Variants in GIGYF2 observed in about 807,000 individuals in gnomAD.
GIGYF2 encodes the protein GRB10 interacting GYF protein 2.
GIGYF2 carries 25 observed loss-of-function variants against 208.1 expected under a neutral mutation model. That is an observed-to-expected ratio of 0.12 (90% CI 0.09 to 0.17). The LOEUF (loss-of-function observed/expected upper bound fraction) is 0.17. Among genes scored for constraint, GIGYF2 ranks in the 10% least tolerant of loss-of-function variants. The probability of loss-of-function intolerance (pLI) is 1.00; values close to 1 mark genes in which losing one functional copy is unlikely to be tolerated. For synonymous variants in GIGYF2, 534 were observed against 543.8 expected (o/e 0.98, Z 0.25); for missense variants, 1,302 against 1,579.4 (o/e 0.82, Z 2.98).
In GIGYF2 at chr2:232,791,466, G is replaced by A. The variant is rs780227803; in HGVS notation, c.1282+20G>A. The A allele has an allele frequency of 1.9e-6, 3 of 1,605,180 alleles. No individual in the cohort carries two copies. The highest frequency in any genetic ancestry group is 2.2e-5 in the East Asian group (1 of 44,596). On this transcript the variant is annotated intron_variant, in intron 12 of 28. Transcript: ENST00000373563. ...GGGATGGTATGTATTTGTGGGAATA[G>A]ACAAGCTAAAATAGGATTCTGCTGA...
At chr2:232,831,272 G>A (rs1240143021) in intron 21 of GIGYF2, among the ~76,000 whole-genome samples, 1 of 152,190 alleles carries the variant, frequency 6.6e-6, no homozygotes, top group Non-Finnish European at 1.5e-5. Context: ...ACTTAAGAAT[G>A]TAGAGTTTTG....
chr2:232,747,770 A>C lies in GIGYF2; in HGVS notation c.171+26A>C, dbSNP rs552330113. On this transcript the variant is annotated intron_variant, in intron 4 of 28. Transcript: ENST00000373563. ...GTAAGAAAGTAGGAAAAGAGTTCAA[A>C]ATTGTGAATGAGACTTTGGGATATA... 4.4e-6 allele frequency: 7 copies of C among 1,606,302 alleles called. No individual in the cohort carries two copies. The African/African-American group carries it at 8.0e-5, about 18-fold the overall frequency.
intron 2 of GIGYF2, among the ~76,000 whole-genome samples, chr2:232,725,723 C>T (rs1170103842): frequency 6.6e-6 from 1 of 152,168 alleles, no homozygotes; most frequent in Non-Finnish European, 1.5e-5. Flanking sequence ...ACATGGTACT[C>T]ATTGTTTTTT....
chr2:232,846,772 C>T (rs1702019414), intron 26 of GIGYF2, among the ~76,000 whole-genome samples: 1 of 152,182 alleles, frequency 6.6e-6, no homozygotes, highest in Non-Finnish European at 1.5e-5. Context: ...ATATTATCCC[C>T]ATTTTATAAA....
At chr2:232,781,594 T>G (rs1699726047) in intron 8 of GIGYF2, among the ~76,000 whole-genome samples, 1 of 152,104 alleles carries the variant, frequency 6.6e-6, no homozygotes, top group South Asian at 2.1e-4. Flanking sequence ...CATTTTGAAA[T>G]CATTCTGTGG....
At chr2:232,711,705 G>GTGTATATATATATATATA (rs147184549) in intron 2 of GIGYF2, among the ~76,000 whole-genome samples, 13 of 115,764 alleles carry the variant, frequency 1.1e-4, no homozygotes, top group Middle Eastern at 4.2e-3. Flanking sequence ...TCACAATGAT[G>GTGTATATATATATATATA]TATATATATA....
intron 2 of GIGYF2, among the ~76,000 whole-genome samples, chr2:232,720,684 T>C (rs1381309370): frequency 1.3e-5 from 2 of 152,018 alleles, no homozygotes; most frequent in African/African-American, 4.8e-5. Flanking sequence ...AACCTCTGCC[T>C]CTCAGGTTCA....
chr2:232,768,690 C>A, intron 8 of GIGYF2: 1 of 1,606,942 alleles, frequency 6.2e-7, no homozygotes, highest in Non-Finnish European at 8.5e-7. Context: ...AGGGCTAGGT[C>A]GGGTGTTGGC....
At chr2:232,855,925 GT>G (rs975361049) in intron 28 of GIGYF2, among the ~76,000 whole-genome samples, 2 of 101,080 alleles carry the variant, frequency 2.0e-5, no homozygotes, top group South Asian at 2.4e-4. Flanking sequence ...TTTGCAGGGG[GT>G]TTTTTTGTTT....
At chr2:232,715,296 A>G (rs967059013) in intron 2 of GIGYF2, among the ~76,000 whole-genome samples, 4 of 152,190 alleles carry the variant, frequency 2.6e-5, no homozygotes, top group Admixed American at 2.0e-4. Flanking sequence ...GTTTTGGGCT[A>G]TTAGACGTAA....
chr2:232,705,043 T>G (rs1696028939), intron 2 of GIGYF2, among the ~76,000 whole-genome samples: 1 of 150,978 alleles, frequency 6.6e-6, no homozygotes, highest in South Asian at 2.1e-4. Flanking sequence ...GTATTTTCAG[T>G]AGAGACGGGG....
chr2:232,742,164 A>G (rs888080826), intron 3 of GIGYF2, among the ~76,000 whole-genome samples: 3 of 152,214 alleles, frequency 2.0e-5, no homozygotes, highest in Non-Finnish European at 2.9e-5. Flanking sequence ...TACCTTTATT[A>G]TGTGAAGTGT....
intron 9 of GIGYF2, chr2:232,788,139 AG>A (rs1333592024): frequency 1.3e-5 from 2 of 153,654 alleles, no homozygotes; most frequent in African/African-American, 4.8e-5. Flanking sequence ...CATGTGCCAG[AG>A]GGGCTTACCT....
At chr2:232,707,726 C>T (rs1696188242) in intron 2 of GIGYF2, among the ~76,000 whole-genome samples, 1 of 151,634 alleles carries the variant, frequency 6.6e-6, no homozygotes, top group Admixed American at 6.6e-5. Flanking sequence ...CAACCTCCAC[C>T]CCCTGGGTTC....
At chr2:232,703,229 T>C (rs1191219420) in intron 1 of GIGYF2, among the ~76,000 whole-genome samples, 195 bp from the exon 2 acceptor site, 1 of 152,210 alleles carries the variant, frequency 6.6e-6, no homozygotes, top group East Asian at 1.9e-4. Flanking sequence ...AAATATAGTT[T>C]TCAGTCCCAC....
chr2:232,734,109 CTTTTT>C (rs35593823), intron 2 of GIGYF2, among the ~76,000 whole-genome samples: 7 of 122,468 alleles, frequency 5.7e-5, no homozygotes, highest in South Asian at 2.6e-4. Context: ...TATTTTAAAA[CTTTTT>C]TTTTTTTTTT....
At chr2:232,791,868 T>C (rs901955549) in intron 12 of GIGYF2, among the ~76,000 whole-genome samples, 2 of 152,206 alleles carry the variant, frequency 1.3e-5, no homozygotes, top group Non-Finnish European at 2.9e-5. Flanking sequence ...AGAGAACATA[T>C]GTGAATCTGT....
chr2:232,772,212 T>C (rs11893358), intron 8 of GIGYF2, among the ~76,000 whole-genome samples: 103,272 of 152,038 alleles, frequency 0.68, 35,717 homozygotes, highest in African/African-American at 0.82. Flanking sequence ...CCATACCTGG[T>C]CTTATTTAGA....
intron 3 of GIGYF2, 93 bp from the exon 4 acceptor site, chr2:232,747,522 A>G (rs1317110874): frequency 2.2e-6 from 3 of 1,366,332 alleles, no homozygotes; most frequent in Admixed American, 1.7e-5. Flanking sequence ...TTGCTCTTCT[A>G]AAGAACTAAA....
Sources: allele counts gnomAD v4.1 joint callset (sites outside exome capture counted in the v4.1 genomes callset), GRCh38; gene constraint gnomAD v4.1.1; transcripts MANE v1.5; gene names NCBI Gene and HGNC (gene_info 2026-07-23, HGNC 2026-07-21).